Variants in MTFR1 observed in about 807,000 individuals in gnomAD.
The protein encoded by MTFR1 is chondrocyte protein with a poly-proline region.
A neutral mutation model predicts 38.8 loss-of-function variants in MTFR1; 28 were observed. The ratio of observed to expected loss-of-function variants is 0.72; its 90% confidence interval spans 0.53 to 0.99. MTFR1 has a LOEUF of 0.99. Among genes scored for constraint, MTFR1 ranks in the 50% least tolerant of loss-of-function variants. The probability of loss-of-function intolerance (pLI) is 0.00; values close to 1 mark genes in which losing one functional copy is unlikely to be tolerated. For missense variants in MTFR1, 358 were observed against 395.5 expected, an observed-to-expected ratio of 0.91 and a Z score of 0.81; for synonymous variants, 145 against 137.0, an observed-to-expected ratio of 1.06 and a Z score of -0.41.
chr8:65,664,963 T>C (rs979412962), intron 1 of MTFR1, among the ~76,000 whole-genome samples: 3 of 143,100 alleles, frequency 2.1e-5, no homozygotes, highest in Non-Finnish European at 4.5e-5. Context: ...TTAGACAGAG[T>C]CTTGCTCTGT....
At chr8:65,710,643 C>A (rs1156980244), downstream of MTFR1, 1 of 152,038 alleles carries the variant, frequency 6.6e-6, no homozygotes, top group Non-Finnish European at 1.5e-5. Flanking sequence ...AATTTTCTTT[C>A]TGCATTTTTC....
At chr8:65,724,271 C>T in intron 3 of MTFR1, 1 of 1,609,932 alleles carries the variant, frequency 6.2e-7, no homozygotes, top group Non-Finnish European at 8.5e-7. Context: ...GGAAGAATTC[C>T]TCCGTTACTT....
At chr8:65,673,305 T>C (rs1388977128) in intron 2 of MTFR1, among the ~76,000 whole-genome samples, 1 of 152,078 alleles carries the variant, frequency 6.6e-6, no homozygotes, top group African/African-American at 2.4e-5. Flanking sequence ...CCATCTTACA[T>C]GTGCTTGGTT....
At chr8:65,718,027 G>A (rs1274820666) in intron 2 of MTFR1, 1 of 152,184 alleles carries the variant, frequency 6.6e-6, no homozygotes, top group Non-Finnish European at 1.5e-5. Context: ...GCCCGTCAAA[G>A]GGTAACGTTT....
At chr8:65,685,079 T>G (rs1805032971) in intron 3 of MTFR1, among the ~76,000 whole-genome samples, 2 of 152,238 alleles carry the variant, frequency 1.3e-5, no homozygotes, top group African/African-American at 2.4e-5. Context: ...CTCCACTGCT[T>G]CTTTGTTTAT....
chr8:65,662,676 G>T (rs1468271027), intron 1 of MTFR1, among the ~76,000 whole-genome samples: 1 of 140,134 alleles, frequency 7.1e-6, no homozygotes, highest in African/African-American at 2.6e-5. Context: ...CAACCGCCCC[G>T]TCTGAGAAGT....
chr8:65,672,440 C>T lies in MTFR1; in HGVS notation c.66+2422C>T, dbSNP rs116896519. 2.6e-4 allele frequency among the ~76,000 whole-genome samples: 40 copies of T among 152,270 alleles called. No individual in the cohort carries two copies. In the East Asian group the frequency reaches 7.1e-3, roughly 27 times the overall value. On this transcript the variant is annotated intron_variant, in intron 2 of 7. Coordinates refer to ENST00000262146, the MANE Select transcript of MTFR1 (RefSeq NM_014637.4). ...TATTTTCCCATTGATCTGATATATA[C>T]AGGCATAGCTTGGAGATACTATGAA... is the stretch of plus-strand genomic sequence containing the variant.
intron 3 of MTFR1, chr8:65,747,789 C>T (rs973314146): frequency 6.2e-7 from 1 of 1,604,542 alleles, no homozygotes; most frequent in Non-Finnish European, 8.5e-7. Flanking sequence ...ACAGACACTT[C>T]AATTTCAGAT....
At chr8:65,660,233 G>T (rs2129048825) in intron 1 of MTFR1, among the ~76,000 whole-genome samples, 1 of 148,144 alleles carries the variant, frequency 6.8e-6, no homozygotes, top group East Asian at 2.0e-4. Context: ...GGAGGTTGTG[G>T]TGAGCCAAGA....
intron 4 of MTFR1, among the ~76,000 whole-genome samples, chr8:65,694,565 A>G (rs1170179393): frequency 6.6e-6 from 1 of 152,202 alleles, no homozygotes; most frequent in African/African-American, 2.4e-5. Flanking sequence ...AATGATCATT[A>G]ATTTTTAGAT....
chr8:65,720,579 T>A (rs1806332537), intron 3 of MTFR1: 1 of 154,140 alleles, frequency 6.5e-6, no homozygotes, highest in Non-Finnish European at 1.5e-5. Context: ...TCTGAAATAT[T>A]AATTATGTAC....
At chr8:65,744,238 CA>C (rs564925714) in intron 3 of MTFR1, among the ~76,000 whole-genome samples, 6 of 146,584 alleles carry the variant, frequency 4.1e-5, no homozygotes, top group East Asian at 3.9e-4. Flanking sequence ...AACAAAACAA[CA>C]AAAAAAAACA....
intron 2 of MTFR1, among the ~76,000 whole-genome samples, chr8:65,673,237 C>T (rs117716946): frequency 0.012 from 1,826 of 152,200 alleles, 14 homozygotes; most frequent in Non-Finnish European, 0.018. Flanking sequence ...TCTGAGATTG[C>T]GGAATAGCTG....
intron 7 of MTFR1, chr8:65,708,334 A>G (rs543636669): frequency 1.0e-5 from 4 of 394,052 alleles, no homozygotes; most frequent in East Asian, 1.2e-4. Flanking sequence ...TACATTTTCT[A>G]TGCAGGGTTA....
chr8:65,644,433 C>T (rs68075342), upstream of MTFR1, among the ~76,000 whole-genome samples: 30,774 of 152,124 alleles, frequency 0.2, 3,256 homozygotes, highest in Middle Eastern at 0.23. Flanking sequence ...TACACATCTG[C>T]GGCTACATTC....
intron 3 of MTFR1, among the ~76,000 whole-genome samples, chr8:65,755,677 T>C (rs1444119642): frequency 2.6e-5 from 4 of 152,190 alleles, no homozygotes; most frequent in Non-Finnish European, 5.9e-5. Context: ...ATAACACTGG[T>C]TTATATATTT....
intron 3 of MTFR1, among the ~76,000 whole-genome samples, chr8:65,755,438 G>T (rs995627987): frequency 1.3e-5 from 2 of 152,064 alleles, no homozygotes; most frequent in Admixed American, 1.3e-4. Flanking sequence ...TTACTTTGGG[G>T]TTTACAATTA....
At chr8:65,718,972 T>C (rs1806259988) in intron 2 of MTFR1, 1 of 353,842 alleles carries the variant, frequency 2.8e-6, no homozygotes. Flanking sequence ...GTTTCACGTT[T>C]TGAAGATTAG....
chr8:65,763,183 A>G (rs1808598062), intron 3 of MTFR1, among the ~76,000 whole-genome samples: 1 of 152,238 alleles, frequency 6.6e-6, no homozygotes, highest in African/African-American at 2.4e-5. Context: ...TTTGTTATAC[A>G]TATAACATTG....
Sources: gnomAD v4.1 joint callset for allele counts (sites outside exome capture counted in the v4.1 genomes callset) on GRCh38, gnomAD v4.1.1 for gene constraint, MANE v1.5 for transcripts, NCBI Gene and HGNC (gene_info 2026-07-23, HGNC 2026-07-21) for gene names.